Variants in NFAT5 observed in about 807,000 individuals in gnomAD.
NFAT5 encodes the protein nuclear factor of activated T-cells 5.
Under a neutral mutation model 166.5 loss-of-function variants are expected in NFAT5, and 31 were observed. The observed-to-expected ratio is 0.19, with a 90% confidence interval of 0.14 to 0.25. The LOEUF is 0.25. NFAT5 is among the 10% of genes least tolerant of loss of function. The pLI, the probability that NFAT5 is intolerant of heterozygous loss-of-function variation, is 1.00. For missense variants in NFAT5, 1,449 were observed against 1,821.8 expected, an observed-to-expected ratio of 0.80 and a Z score of 3.72; for synonymous variants, 612 against 639.7, an observed-to-expected ratio of 0.96 and a Z score of 0.65.
Position 69,695,262 on chromosome 16 carries a change from C to T in NFAT5, c.4541C>T (p.Pro1514Leu). The T allele has an allele frequency of 6.2e-7, 1 of 1,614,166 alleles. No individual in the cohort carries two copies. The change falls in exon 14 of 15, where the codon CCA becomes CTA. Residue 1514 changes from proline to leucine, a missense_variant. Coordinates refer to ENST00000349945, the MANE Select transcript of NFAT5 (RefSeq NM_138713.4). ...PVTTLLSQQM[P>L]ENSPLASSIN... ...ACAACACTTCTTTCTCAGCAAATGC[C>T]AGAGAATTCTCCACTGGCATCCTCT...
chr16:69,603,550 G>A (rs774384080), intron 2 of NFAT5, among the ~76,000 whole-genome samples: 7 of 152,112 alleles, frequency 4.6e-5, no homozygotes, highest in Non-Finnish European at 2.9e-5. Context: ...TCAAGAGTTT[G>A]AGACCAGCCT....
intron 2 of NFAT5, among the ~76,000 whole-genome samples, chr16:69,611,779 T>C (rs760849055): frequency 1.3e-5 from 2 of 152,216 alleles, no homozygotes; most frequent in Non-Finnish European, 2.9e-5. Context: ...ACTATTACAT[T>C]GGATGTTAGG....
chr16:69,689,548 A>G (rs576772494), intron 11 of NFAT5, among the ~76,000 whole-genome samples: 1 of 152,346 alleles, frequency 6.6e-6, no homozygotes, highest in Non-Finnish European at 1.5e-5. Flanking sequence ...GAAAATATTT[A>G]CTTTCAGCAG....
chr16:69,628,227 C>T (rs1193793912), intron 3 of NFAT5, among the ~76,000 whole-genome samples: 1 of 151,664 alleles, frequency 6.6e-6, no homozygotes, highest in African/African-American at 2.4e-5. Flanking sequence ...AAATATTAAC[C>T]TTCTCCCCAC....
chr16:69,576,409 A>T (rs77059733), intron 2 of NFAT5, among the ~76,000 whole-genome samples: 8,737 of 152,260 alleles, frequency 0.057, 295 homozygotes, highest in South Asian at 0.069. Flanking sequence ...TTCTTTACTA[A>T]GCAGCTTCCA....
rs141926483 is a variant in NFAT5 at position 69,692,667 on chromosome 16, C to T, written c.2842C>T (p.Pro948Ser). 8.1e-6 allele frequency: 13 copies of T among 1,614,212 alleles called. No homozygotes were observed. In the African/African-American group the frequency reaches 1.3e-4, roughly 17 times the overall value. The change falls in exon 13 of 15, where the codon CCA becomes TCA. Residue 948 changes from proline (P) to serine (S), a missense_variant. Physicochemically the swap from Pro to Ser is moderately conservative, Grantham distance 74 (BLOSUM62 -1). This residue lies in a region of NFAT5 where 891 missense variants were observed against 993.0 expected (regional missense o/e 0.90). Coordinates refer to ENST00000349945, the MANE Select transcript of NFAT5 (RefSeq NM_138713.4). ...AGCAAATGGAAACCTTCAGCAATCG[C>T]CAGTTTACCAGCAGACTTCTCACAT... is the stretch of plus-strand genomic sequence containing the variant. ...ASANGNLQQS[P>S]VYQQTSHMMS...
chr16:69,647,240 A>T lies in NFAT5; in HGVS notation c.466A>T (p.Arg156Trp), dbSNP rs1331328070. 1 of 1,614,140 alleles carries T rather than the reference A, an allele frequency of 6.2e-7. No individual in the cohort carries two copies. The highest frequency in any genetic ancestry group is 8.5e-7 in the Non-Finnish European group (1 of 1,179,986). ...TVQQHPSTPK[R>W]HTVLYISPPP... ...TCAGCAGCATCCATCAACACCGAAGAGGCACACAGTCTTGTACATCTCACC... is the reference window on the plus strand; with the variant it reads ...TCAGCAGCATCCATCAACACCGAAGTGGCACACAGTCTTGTACATCTCACC... The change falls in exon 4 of 15, where the codon AGG becomes TGG. Residue 156 changes from arginine (R) to tryptophan (W), a missense_variant. Arg to Trp is a moderately radical substitution (Grantham distance 101). Coordinates refer to ENST00000349945, the MANE Select transcript of NFAT5 (RefSeq NM_138713.4). The surrounding 1 kb of genome is among the most constrained non-coding windows in gnomAD (Gnocchi z 4.8).
At chr16:69,581,949 A>G (rs1361712026) in intron 2 of NFAT5, among the ~76,000 whole-genome samples, 2 of 152,110 alleles carry the variant, frequency 1.3e-5, no homozygotes, top group Non-Finnish European at 2.9e-5. Flanking sequence ...CATTGTTATT[A>G]ATTTTTCTCA....
chr16:69,688,202 C>CAA (rs1188158260), intron 11 of NFAT5, among the ~76,000 whole-genome samples: 86 of 49,264 alleles, frequency 1.7e-3, no homozygotes, highest in East Asian at 0.01. Flanking sequence ...GACTCCGTCT[C>CAA]AAAAAAAAAA....
intron 2 of NFAT5, among the ~76,000 whole-genome samples, chr16:69,589,764 T>C (rs2032343792): frequency 6.6e-6 from 1 of 152,190 alleles, no homozygotes; most frequent in South Asian, 2.1e-4. Flanking sequence ...GAAGTTATTT[T>C]TCTTGAAATA....
Position 69,647,432 on chromosome 16 carries a change from C to T in NFAT5, c.658C>T (p.Arg220Ter). 6.2e-7 allele frequency: 1 copy of T among 1,614,096 alleles called. No individual in the cohort carries two copies. ...TAACACTGAGGTACCTCGTAAATCA[C>T]GAAAACGAAATCCAAAGCAGAGGCC... is the stretch of plus-strand genomic sequence containing the variant. Reference protein sequence around the residue: ...NDNTEVPRKSRKRNPKQRPGV... With the variant: ...NDNTEVPRKS The change falls in exon 4 of 15, where the codon CGA (arginine) becomes TGA (stop). Residue 220 changes from arginine to a stop codon, truncating the protein, a stop_gained. Transcript: ENST00000349945. LOFTEE classifies it high-confidence loss of function. This position sits in a 1 kb window ranked among gnomAD's most constrained non-coding sequence, Gnocchi z 4.8.
intron 11 of NFAT5, among the ~76,000 whole-genome samples, chr16:69,686,469 G>C (rs889659463): frequency 5.3e-5 from 8 of 152,180 alleles, no homozygotes; most frequent in Non-Finnish European, 1.2e-4. Flanking sequence ...GGTGCATTGA[G>C]CTGTGATCGT....
At chr16:69,629,895 A>C (rs914914664) in intron 3 of NFAT5, among the ~76,000 whole-genome samples, 1 of 149,840 alleles carries the variant, frequency 6.7e-6, no homozygotes, top group African/African-American at 2.5e-5. Flanking sequence ...CAGTCTCCTG[A>C]GTAGCTGGGA....
At position 69,580,455 on chromosome 16, in the gene NFAT5, C is replaced by T. The variant is rs1265639638; in HGVS notation, c.127+11907C>T. Among the ~76,000 whole-genome samples, 3 of 151,424 alleles carry T rather than the reference C, an allele frequency of 2.0e-5. No homozygotes were observed. In the East Asian group the frequency reaches 5.9e-4, roughly 30 times the overall value. On this transcript the variant is annotated intron_variant, in intron 2 of 14. Transcript: ENST00000349945. ...CTGAGGAAGGAGAAATGCTTGAACC[C>T]AGGAGGTGGAGGTTGTGGTGAGCCA...
intron 2 of NFAT5, among the ~76,000 whole-genome samples, chr16:69,574,714 G>T (rs867909822): frequency 1.3e-5 from 2 of 151,506 alleles, no homozygotes; most frequent in Non-Finnish European, 2.9e-5. Context: ...TGTCACCCAG[G>T]CTGGAGTGCA....
chr16:69,600,018 T>C (rs2033039234), intron 2 of NFAT5, among the ~76,000 whole-genome samples: 1 of 151,906 alleles, frequency 6.6e-6, no homozygotes, highest in Non-Finnish European at 1.5e-5. Context: ...AAAGAGAAAA[T>C]CAATTAGGAG....
chr16:69,579,256 T>C (rs577607687), intron 2 of NFAT5, among the ~76,000 whole-genome samples: 6 of 152,316 alleles, frequency 3.9e-5, no homozygotes, highest in African/African-American at 1.4e-4. Context: ...TTATATTCTC[T>C]GGAATATTGG....
Position 69,647,428 on chromosome 16 carries a change from A to T in NFAT5, c.654A>T (p.Lys218Asn). The T allele has an allele frequency of 6.2e-7, 1 of 1,614,196 alleles. No homozygotes were observed. ...SYNDNTEVPR[K>N]SRKRNPKQRP... is the part of the protein sequence containing the mutation. ...ATGATAACACTGAGGTACCTCGTAA[A>T]TCACGAAAACGAAATCCAAAGCAGA... The change falls in exon 4 of 15, where the codon AAA (lysine) becomes AAT (asparagine). Residue 218 changes from lysine (K) to asparagine (N), a missense_variant. By Grantham distance (94) the Lys-to-Asn change is moderately conservative. Coordinates refer to ENST00000349945, the MANE Select transcript of NFAT5 (RefSeq NM_138713.4). The surrounding 1 kb of genome is among the most constrained non-coding windows in gnomAD (Gnocchi z 4.8).
intron 5 of NFAT5, among the ~76,000 whole-genome samples, chr16:69,654,215 AAT>A (rs1275748871): frequency 6.6e-6 from 1 of 152,184 alleles, no homozygotes; most frequent in East Asian, 1.9e-4. Flanking sequence ...CTAAATACTA[AAT>A]AGGGAGGAAT....
Sources: allele counts gnomAD v4.1 joint callset (sites outside exome capture counted in the v4.1 genomes callset), GRCh38; gene constraint gnomAD v4.1.1; regional missense constraint gnomAD v4.1.1; non-coding constraint Gnocchi (gnomAD v3.1); transcripts MANE v1.5; gene names NCBI Gene and HGNC (gene_info 2026-07-23, HGNC 2026-07-21).